KCNMA1: variants seen among roughly 807,000 people sequenced by gnomAD.
KCNMA1 encodes Calcium-activated potassium channel subunit alpha-1.
In KCNMA1, 29 loss-of-function variants were observed where a neutral mutation model predicts 140.0. That is an observed-to-expected ratio of 0.21 (90% CI 0.15 to 0.28). The LOEUF (loss-of-function observed/expected upper bound fraction) is 0.28. Among genes scored for constraint, KCNMA1 ranks in the 10% least tolerant of loss-of-function variants. The pLI is 1.00. For synonymous variants in KCNMA1, 612 were observed against 611.9 expected (o/e 1.00, Z 0.00); for missense variants, 880 against 1,602.2 (o/e 0.55, Z 7.70).
intron 20 of KCNMA1, among the ~76,000 whole-genome samples, chr10:76,963,288 G>C (rs938600579): frequency 6.6e-6 from 1 of 152,216 alleles, no homozygotes; most frequent in Non-Finnish European, 1.5e-5. Context: ...TCACCTGGAA[G>C]TTTAACAGAA....
chr10:76,919,074 A>G (rs1221574029), intron 23 of KCNMA1, among the ~76,000 whole-genome samples: 2 of 152,146 alleles, frequency 1.3e-5, no homozygotes, highest in African/African-American at 4.8e-5. Context: ...ACCAAACATC[A>G]TATGTTCTCA....
At chr10:76,995,536 A>G (rs78486567) in intron 19 of KCNMA1, 5 of 470,950 alleles carry the variant, frequency 1.1e-5, no homozygotes, top group Non-Finnish European at 2.2e-5. Flanking sequence ...AGCCTTGACA[A>G]GAAAGCTCAA....
intron 19 of KCNMA1, among the ~76,000 whole-genome samples, chr10:76,983,725 T>TAAA (rs563879219): frequency 0.027 from 3,635 of 136,794 alleles, 171 homozygotes; most frequent in African/African-American, 0.09. Context: ...AGACACTGTT[T>TAAA]AAAAAAAAAA....
At chr10:77,473,494 CCA>C (rs1319531198) in intron 1 of KCNMA1, among the ~76,000 whole-genome samples, 2 of 152,320 alleles carry the variant, frequency 1.3e-5, no homozygotes, top group East Asian at 3.9e-4. Flanking sequence ...GAGACCAGAA[CCA>C]CCAGACAGAA....
chr10:77,366,531 A>G (rs2154406405), intron 2 of KCNMA1, among the ~76,000 whole-genome samples: 1 of 152,314 alleles, frequency 6.6e-6, no homozygotes, highest in East Asian at 1.9e-4. Context: ...TTGTTACACC[A>G]CACAAATTGC....
intron 1 of KCNMA1, among the ~76,000 whole-genome samples, chr10:77,423,171 C>A (rs535158934): frequency 2.6e-5 from 4 of 152,254 alleles, no homozygotes; most frequent in Admixed American, 2.6e-4. Context: ...TGGATCCATG[C>A]CTTAGGGCTG....
At chr10:76,960,618 G>GTTTTTTTTTTTTTT (rs55685324) in intron 20 of KCNMA1, among the ~76,000 whole-genome samples, 1 of 59,296 alleles carries the variant, frequency 1.7e-5, no homozygotes, top group Non-Finnish European at 3.2e-5. Context: ...TTATGGTTTT[G>GTTTTTTTTTTTTTT]TTTTTTTTTT....
Position 77,637,487 on chromosome 10 carries a change from G to GGAAGAA in KCNMA1, c.150_155dup (p.Ser59_Ser60dup), listed in dbSNP as rs751901610. ...CCGAGGACGAGGAGGAAGAGGAGGA[G>GGAAGAA]GAAGAAGAAGAAGAGGAAGAGGAGG... On this transcript the variant is annotated inframe_insertion, in exon 1 of 28. Transcript: ENST00000286628. 1.2e-6 allele frequency: 2 copies of GGAAGAA among 1,600,912 alleles called. No individual in the cohort carries two copies. The highest frequency in any genetic ancestry group is 2.2e-5 in the South Asian group (2 of 89,488).
intron 1 of KCNMA1, among the ~76,000 whole-genome samples, chr10:77,542,233 C>A (rs1309525328): frequency 6.6e-6 from 1 of 152,194 alleles, no homozygotes; most frequent in Non-Finnish European, 1.5e-5. Flanking sequence ...CTACTGTTTG[C>A]AAATCACCCA....
intron 2 of KCNMA1, among the ~76,000 whole-genome samples, chr10:77,366,132 C>CT: frequency 3.4e-5 from 1 of 29,020 alleles, no homozygotes; most frequent in South Asian, 8.0e-4. Flanking sequence ...TTCTTTTCTT[C>CT]TCTCTCTCTC....
chr10:77,024,866 G>A (rs78364970), intron 16 of KCNMA1, among the ~76,000 whole-genome samples: 4,231 of 152,042 alleles, frequency 0.028, 257 homozygotes, highest in East Asian at 0.22. Flanking sequence ...GAAGTGTAAG[G>A]GCTTGGTCTC....
intron 1 of KCNMA1, among the ~76,000 whole-genome samples, chr10:77,462,959 C>G (rs1418634237): frequency 1.3e-5 from 2 of 152,132 alleles, no homozygotes; most frequent in Non-Finnish European, 2.9e-5. Context: ...GTGGGAGAAA[C>G]CTCGATGAAA....
At chr10:76,873,142 G>A (rs932889284), downstream of KCNMA1, 3 of 152,100 alleles carry the variant, frequency 2.0e-5, no homozygotes, top group Non-Finnish European at 2.9e-5. Flanking sequence ...TTTTAAGCAA[G>A]CTTACCATAA....
intron 18 of KCNMA1, chr10:77,008,077 C>A: frequency 1.7e-6 from 2 of 1,158,674 alleles, no homozygotes; most frequent in South Asian, 2.7e-5. Context: ...ACATAAATAC[C>A]AAAAGTAAAA....
At chr10:77,311,297 C>T (rs1797512283) in intron 2 of KCNMA1, among the ~76,000 whole-genome samples, 1 of 152,194 alleles carries the variant, frequency 6.6e-6, no homozygotes, top group Non-Finnish European at 1.5e-5. Context: ...TAGGGCCCAA[C>T]AGCAGGACCA....
chr10:76,888,592 G>A (rs1280152797), intron 27 of KCNMA1, among the ~76,000 whole-genome samples: 4 of 152,086 alleles, frequency 2.6e-5, no homozygotes, highest in South Asian at 2.1e-4. Flanking sequence ...ATTTTTGCCT[G>A]CTATGAATTT....
chr10:76,986,047 T>C (rs1592818183), intron 19 of KCNMA1, among the ~76,000 whole-genome samples: 1 of 152,200 alleles, frequency 6.6e-6, no homozygotes, highest in African/African-American at 2.4e-5. Context: ...AGTTCCTATG[T>C]TGCCCTGATT....
At chr10:76,920,122 G>T (rs1164705807) in intron 23 of KCNMA1, among the ~76,000 whole-genome samples, 2 of 146,554 alleles carry the variant, frequency 1.4e-5, no homozygotes, top group East Asian at 4.1e-4. Flanking sequence ...CACAAGTAAT[G>T]GCTGGAAAAG....
intron 2 of KCNMA1, among the ~76,000 whole-genome samples, chr10:77,296,145 G>C (rs923538033): frequency 3.3e-5 from 5 of 152,092 alleles, no homozygotes; most frequent in African/African-American, 4.8e-5. Context: ...TCTTGAAATG[G>C]GGAGATTGTC....
Sources: allele counts gnomAD v4.1 joint callset (sites outside exome capture counted in the v4.1 genomes callset), GRCh38; gene constraint gnomAD v4.1.1; transcripts MANE v1.5; gene names NCBI Gene and HGNC (gene_info 2026-07-23, HGNC 2026-07-21).